The following UIMC1 variants were observed in gnomAD, a reference collection of about 807,000 sequenced individuals.
The protein encoded by UIMC1 is BRCA1-A complex subunit RAP80.
A neutral mutation model predicts 84.9 loss-of-function variants in UIMC1; 42 were observed. The ratio of observed to expected loss-of-function variants is 0.49; its 90% CI spans 0.39 to 0.64. The LOEUF (loss-of-function observed/expected upper bound fraction) is 0.64, where lower values mean the gene tolerates loss of function less well. Ranked by LOEUF, UIMC1 falls within the 30% of genes least tolerant of loss-of-function variation. The pLI, the probability that UIMC1 is intolerant of heterozygous loss-of-function variation, is 0.00. For missense variants in UIMC1, 825 were observed against 847.6 expected, an observed-to-expected ratio of 0.97 and a Z score of 0.33; for synonymous variants, 281 against 293.0, an observed-to-expected ratio of 0.96 and a Z score of 0.42.
intron 1 of UIMC1, among the ~76,000 whole-genome samples, chr5:176,985,965 C>T (rs1333371271): frequency 6.6e-6 from 1 of 152,078 alleles, no homozygotes; most frequent in African/African-American, 2.4e-5. Flanking sequence ...AGAATGTTTC[C>T]TTTCAGCTGG....
At chr5:176,989,802 G>C (rs1002125953) in intron 1 of UIMC1, among the ~76,000 whole-genome samples, 3 of 152,118 alleles carry the variant, frequency 2.0e-5, no homozygotes, top group South Asian at 2.1e-4. Context: ...TAGATAACTA[G>C]ATATGACCTA....
chr5:177,021,657 C>CT (rs745476437), intron 1 of UIMC1, among the ~76,000 whole-genome samples: 61 of 143,718 alleles, frequency 4.2e-4, no homozygotes, highest in Middle Eastern at 3.7e-3. Context: ...AGGACTTTGG[C>CT]TTTTTTTTTT....
chr5:176,917,196 T>A (rs1206437955), intron 10 of UIMC1, among the ~76,000 whole-genome samples: 2 of 152,202 alleles, frequency 1.3e-5, no homozygotes, highest in African/African-American at 4.8e-5. Context: ...GAGCTCCACC[T>A]GCACAGAGTG....
intron 1 of UIMC1, among the ~76,000 whole-genome samples, chr5:177,003,831 G>T (rs1224311872): frequency 1.3e-5 from 2 of 152,062 alleles, no homozygotes; most frequent in African/African-American, 4.8e-5. Context: ...TTCCTGTACC[G>T]TGTGTGCACG....
chr5:176,983,955 C>A (rs1771480995), intron 1 of UIMC1, among the ~76,000 whole-genome samples: 1 of 146,312 alleles, frequency 6.8e-6, no homozygotes, highest in Non-Finnish European at 1.5e-5. Flanking sequence ...TGCCTCTGCC[C>A]AGCCGCCCCG....
chr5:176,936,060 C>T (rs1763684588), intron 10 of UIMC1, among the ~76,000 whole-genome samples: 1 of 152,168 alleles, frequency 6.6e-6, no homozygotes. Context: ...TTATGCTTTG[C>T]CTTTCTTCTT....
intron 6 of UIMC1, among the ~76,000 whole-genome samples, chr5:176,967,571 A>G (rs1158042054): frequency 3.3e-5 from 5 of 152,136 alleles, no homozygotes; most frequent in Non-Finnish European, 7.4e-5. Flanking sequence ...CCATGTGAAT[A>G]TTGTTACCTA....
intron 2 of UIMC1, among the ~76,000 whole-genome samples, chr5:176,980,438 G>T (rs888436884): frequency 2.0e-5 from 3 of 152,082 alleles, no homozygotes; most frequent in African/African-American, 7.2e-5. Flanking sequence ...TCCACAGCAT[G>T]GTTCTTTTCC....
At chr5:176,956,162 G>C in intron 7 of UIMC1, 127 bp from the exon 8 acceptor site, 1 of 744,268 alleles carries the variant, frequency 1.3e-6, no homozygotes, top group Non-Finnish European at 2.2e-6. Context: ...TACCACAAAA[G>C]CACAATAGGA....
Position 176,956,055 on chromosome 5 carries a change from C to T in UIMC1, c.1263-20G>A. On this transcript the variant is annotated intron_variant, in intron 7 of 14. Coordinates refer to ENST00000511320, the MANE Select transcript of UIMC1 (RefSeq NM_001199298.2). Reference sequence around the variant, plus strand: ...GCAACACTGAAAGAGAACCAAATCCCAAATGAATTCCCAGTAAAATAAATC... The same window carrying T: ...GCAACACTGAAAGAGAACCAAATCCTAAATGAATTCCCAGTAAAATAAATC... 1 of 1,610,096 alleles carries T rather than the reference C, an allele frequency of 6.2e-7. No individual in the cohort carries two copies. The highest frequency in any genetic ancestry group is 8.5e-7 in the Non-Finnish European group (1 of 1,177,730).
chr5:176,933,698 A>G (rs930889477), intron 10 of UIMC1, among the ~76,000 whole-genome samples: 1 of 151,812 alleles, frequency 6.6e-6, no homozygotes, highest in African/African-American at 2.4e-5. Flanking sequence ...CACCACACAA[A>G]GCTAATTTTT....
intron 10 of UIMC1, among the ~76,000 whole-genome samples, chr5:176,928,867 C>T (rs548568958): frequency 3.9e-5 from 6 of 152,036 alleles, no homozygotes; most frequent in East Asian, 1.9e-4. Flanking sequence ...AGGAGAATGG[C>T]GTGAACCCAG....
At chr5:176,946,736 G>A (rs1765162730) in intron 9 of UIMC1, among the ~76,000 whole-genome samples, 1 of 152,000 alleles carries the variant, frequency 6.6e-6, no homozygotes, top group Admixed American at 6.6e-5. Flanking sequence ...TTAGGTGGTT[G>A]AGGCAGGATA....
chr5:176,908,157 T>C (rs1392517441), intron 12 of UIMC1, among the ~76,000 whole-genome samples: 1 of 152,042 alleles, frequency 6.6e-6, no homozygotes, highest in African/African-American at 2.4e-5. Flanking sequence ...GCTTATTGCA[T>C]ATATATTGAG....
chr5:177,007,752 C>T (rs1241131326), upstream of UIMC1, among the ~76,000 whole-genome samples: 1 of 151,956 alleles, frequency 6.6e-6, no homozygotes. Context: ...GAAGGAGTAG[C>T]GGAAAATGTG....
intron 1 of UIMC1, among the ~76,000 whole-genome samples, chr5:176,994,395 T>C (rs1302688160): frequency 6.6e-6 from 1 of 150,948 alleles, no homozygotes; most frequent in Non-Finnish European, 1.5e-5. Context: ...ATGGCTAAAA[T>C]TGAAAATAGT....
At chr5:176,964,509 A>T (rs572865238) in intron 6 of UIMC1, among the ~76,000 whole-genome samples, 1 of 152,350 alleles carries the variant, frequency 6.6e-6, no homozygotes, top group Admixed American at 6.5e-5. Context: ...ATATAGAAAG[A>T]TATCACAACT....
intron 3 of UIMC1, among the ~76,000 whole-genome samples, chr5:176,971,850 A>G (rs138820459): frequency 8.2e-4 from 125 of 152,264 alleles, no homozygotes; most frequent in African/African-American, 2.9e-3. Context: ...CGGAGGTTGC[A>G]ATGAGCTGAA....
At chr5:176,975,510 T>C (rs371091545) in intron 2 of UIMC1, 30 bp from the exon 3 acceptor site, 47 of 1,609,508 alleles carry the variant, frequency 2.9e-5, no homozygotes, top group Non-Finnish European at 4.0e-5. Flanking sequence ...ATCATCAGTG[T>C]GGCTGCCACT....
Sources: allele counts gnomAD v4.1 joint callset (sites outside exome capture counted in the v4.1 genomes callset), GRCh38; gene constraint gnomAD v4.1.1; transcripts MANE v1.5; gene names NCBI Gene and HGNC (gene_info 2026-07-23, HGNC 2026-07-21).